STAG2: variants seen among roughly 807,000 people sequenced by gnomAD.
STAG2 encodes the protein STAG2 cohesin complex component, also known as cohesin subunit SA-2.
In STAG2, 14 loss-of-function variants were observed where a neutral mutation model predicts 108.1. The ratio of observed to expected loss-of-function variants is 0.13; its 90% CI spans 0.09 to 0.20. The LOEUF (loss-of-function observed/expected upper bound fraction) is 0.20. STAG2 is among the 10% of genes least tolerant of loss of function. The probability of loss-of-function intolerance (pLI) is 1.00; values close to 1 mark genes in which losing one functional copy is unlikely to be tolerated. For synonymous variants in STAG2, 307 were observed against 302.7 expected, an observed-to-expected ratio of 1.01 and a Z score of -0.15; for missense variants, 440 against 940.9, an observed-to-expected ratio of 0.47 and a Z score of 6.96.
rs1441749949 is a variant in STAG2, at chrX:123,977,131, AGATGATAAAGTTTCTTACACTGTAGT to A, written c.-163+15300_-163+15325del. On this transcript the variant is annotated intron_variant, in intron 1 of 34. Coordinates refer to ENST00000371145, the MANE Select transcript of STAG2 (RefSeq NM_001042750.2). ...AACTAGAAAAGGCTTAGCGGCAGGGAGATGATAAAGTTTCTTACACTGTAGTGATGATAAAGTTTCTTACACTGTAC... is the reference window on the plus strand; with the variant it reads ...AACTAGAAAAGGCTTAGCGGCAGGGAGATGATAAAGTTTCTTACACTGTAC... 2.6e-3 allele frequency among the ~76,000 whole-genome samples: 286 copies of A among 112,075 alleles called. 2 individuals are homozygous for A. The highest frequency in any genetic ancestry group is 8.8e-3 in the African/African-American group (273 of 30,873).
At chrX:124,066,022 T>G (rs751579517) in intron 21 of STAG2, 76 bp downstream of exon 21, 1 of 1,000,644 alleles carries the variant, frequency 1.0e-6, no homozygotes, top group South Asian at 2.6e-5. Flanking sequence ...TTATGTTAAT[T>G]TCTAAGCTAA....
intron 34 of STAG2, 93 bp from the exon 35 acceptor site, chrX:124,100,481 A>C: frequency 1.3e-6 from 1 of 767,620 alleles, no homozygotes; most frequent in Non-Finnish European, 1.9e-6. Flanking sequence ...CATGTTATTT[A>C]ACATAATAAA....
intron 1 of STAG2, among the ~76,000 whole-genome samples, chrX:124,017,949 A>C (rs2056788007): frequency 8.9e-6 from 1 of 112,239 alleles, no homozygotes; most frequent in South Asian, 3.7e-4. Context: ...CTTTAATGGC[A>C]GCTCACTATA....
intron 15 of STAG2, among the ~76,000 whole-genome samples, chrX:124,059,549 G>A (rs2058320221): frequency 8.9e-6 from 1 of 112,339 alleles, no homozygotes; most frequent in African/African-American, 3.2e-5. Flanking sequence ...TTATGTTAAT[G>A]TGTCGAGTTA....
At chrX:124,037,105 C>G (rs971412256) in intron 5 of STAG2, among the ~76,000 whole-genome samples, 1 of 110,835 alleles carries the variant, frequency 9.0e-6, no homozygotes, top group Non-Finnish European at 1.9e-5. Flanking sequence ...AGGCTGGTCT[C>G]GAACTCCTAA....
chrX:124,099,217 T>C (rs895227666), intron 34 of STAG2, among the ~76,000 whole-genome samples: 13 of 111,891 alleles, frequency 1.2e-4, no homozygotes, highest in African/African-American at 4.2e-4. Context: ...TTGGGTGCTT[T>C]CTAGTCAGGC....
At chrX:124,059,679 G>C (rs2148293567) in intron 15 of STAG2, among the ~76,000 whole-genome samples, 1 of 110,602 alleles carries the variant, frequency 9.0e-6, no homozygotes, top group South Asian at 3.8e-4. Context: ...ATTTTTTTAA[G>C]CAACAGTGTC....
At chrX:124,086,464 A>G (rs1295323067) in intron 29 of STAG2, 83 bp from the exon 30 acceptor site, 10 of 721,686 alleles carry the variant, frequency 1.4e-5, no homozygotes, top group Middle Eastern at 3.6e-4. Flanking sequence ...TAGTGAAGTA[A>G]TATGCCTATG....
At chrX:123,989,017 T>C (rs957079655) in intron 1 of STAG2, among the ~76,000 whole-genome samples, 11 of 111,521 alleles carry the variant, frequency 9.9e-5, no homozygotes, top group Non-Finnish European at 1.9e-4. Flanking sequence ...TCAGGGAGTA[T>C]GTCCACAGTG....
intron 1 of STAG2, among the ~76,000 whole-genome samples, chrX:123,983,969 CTTTTCT>C (rs1305523462): frequency 5.0e-4 from 32 of 64,632 alleles, no homozygotes; most frequent in African/African-American, 2.1e-3. Context: ...ATTTTCTTTT[CTTTTCT>C]TTTTTTTTTT....
chrX:123,962,710 T>C (rs1168777753), intron 1 of STAG2, among the ~76,000 whole-genome samples: 1 of 111,830 alleles, frequency 8.9e-6, no homozygotes, highest in Non-Finnish European at 1.9e-5. Flanking sequence ...TTGGAAACTT[T>C]TGATCTGTAA....
At chrX:124,034,904 T>TATC (rs1556510930) in intron 5 of STAG2, among the ~76,000 whole-genome samples, 21 of 107,666 alleles carry the variant, frequency 2.0e-4, no homozygotes, top group Admixed American at 5.1e-4. Flanking sequence ...TTATTATTAT[T>TATC]ATCATTATTC....
rs895935125 is a variant in STAG2 at position 124,051,452 on chromosome X, A to G, written c.1196+58A>G. On this transcript the variant is annotated intron_variant, in intron 13 of 34. Coordinates refer to ENST00000371145, the MANE Select transcript of STAG2 (RefSeq NM_001042750.2). Reference sequence around the variant, plus strand: ...TGTTCAGATATCTAAATAATATATTAGAGTATTTGGTTCAGACTCATCTAG... The same window carrying G: ...TGTTCAGATATCTAAATAATATATTGGAGTATTTGGTTCAGACTCATCTAG... 5.2e-6 allele frequency: 5 copies of G among 970,506 alleles called. No individual in the cohort carries two copies. The African/African-American group carries it at 9.8e-5, about 19-fold the overall frequency. The allele number at this position is 970,506 out of a possible 1,213,427, so 80.0% of individuals were successfully genotyped here.
intron 1 of STAG2, among the ~76,000 whole-genome samples, chrX:124,020,918 C>G (rs1252062219): frequency 9.0e-6 from 1 of 111,676 alleles, no homozygotes; most frequent in African/African-American, 3.3e-5. Flanking sequence ...GTGACCTGCC[C>G]GCCTTGGCCT....
chrX:124,029,961 C>T (rs1049243221), intron 4 of STAG2, among the ~76,000 whole-genome samples: 4 of 110,404 alleles, frequency 3.6e-5, no homozygotes, highest in East Asian at 2.8e-4. Flanking sequence ...CCCCTACCCG[C>T]GCGTCCCCAC....
intron 28 of STAG2, among the ~76,000 whole-genome samples, chrX:124,082,691 G>A (rs1166968378): frequency 5.4e-5 from 6 of 111,140 alleles, no homozygotes; most frequent in African/African-American, 2.0e-4. Context: ...ACCACACCCA[G>A]CTTCCTCCCT....
At chrX:124,023,252 G>A (rs56070068) in intron 3 of STAG2, among the ~76,000 whole-genome samples, 16,126 of 111,045 alleles carry the variant, frequency 0.15, 1,095 homozygotes, top group South Asian at 0.36. Flanking sequence ...AGTTTCATGA[G>A]TTGCCTCAGT....
At chrX:123,976,789 A>G (rs180951079) in intron 1 of STAG2, among the ~76,000 whole-genome samples, 2 of 112,005 alleles carry the variant, frequency 1.8e-5, no homozygotes, top group East Asian at 5.6e-4. Flanking sequence ...GCCCAAGATC[A>G]CTTAGCTAAT....
chrX:124,035,756 A>C (rs1021475694), intron 5 of STAG2, among the ~76,000 whole-genome samples: 3 of 111,217 alleles, frequency 2.7e-5, no homozygotes, highest in African/African-American at 9.8e-5. Flanking sequence ...TGGCCTTTCT[A>C]TGTGGCTACG....
Sources: allele counts gnomAD v4.1 joint callset (sites outside exome capture counted in the v4.1 genomes callset), GRCh38; gene constraint gnomAD v4.1.1; transcripts MANE v1.5; gene names NCBI Gene and HGNC (gene_info 2026-07-23, HGNC 2026-07-21).